The following RAB14 variants were observed in gnomAD, a reference collection of about 807,000 sequenced individuals.
RAB14 encodes RAB14, member RAS oncogene family.
Under a neutral mutation model 31.1 loss-of-function variants are expected in RAB14, and 3 were observed. The ratio of observed to expected loss-of-function variants is 0.10; its 90% CI spans 0.04 to 0.25. RAB14 has a LOEUF of 0.25. Ranked by LOEUF, RAB14 falls within the 10% of genes least tolerant of loss-of-function variation. The pLI, the probability that RAB14 is intolerant of heterozygous loss-of-function variation, is 1.00. For missense variants in RAB14, 111 were observed against 260.1 expected (o/e 0.43, Z 3.94); for synonymous variants, 85 against 84.9 (o/e 1.00, Z 0.00).
At chr9:121,195,211 T>C (rs896507724) in intron 1 of RAB14, among the ~76,000 whole-genome samples, 1 of 152,152 alleles carries the variant, frequency 6.6e-6, no homozygotes, top group African/African-American at 2.4e-5. Context: ...TAAAAATATT[T>C]AAAGATTATT....
At chr9:121,193,950 C>T (rs1019017401) in intron 1 of RAB14, among the ~76,000 whole-genome samples, 4 of 152,030 alleles carry the variant, frequency 2.6e-5, no homozygotes, top group African/African-American at 9.7e-5. Flanking sequence ...CAGTTAGCAG[C>T]GCAAAGAGCA....
chr9:121,190,810 TAAG>T, intron 3 of RAB14, 79 bp from the exon 4 acceptor site: 1 of 1,389,016 alleles, frequency 7.2e-7, no homozygotes. Context: ...ATCCACTAAA[TAAG>T]CAAATGGCTT....
chr9:121,187,680 G>A (rs1013649070), intron 4 of RAB14, among the ~76,000 whole-genome samples: 2 of 151,990 alleles, frequency 1.3e-5, no homozygotes, highest in African/African-American at 4.8e-5. Flanking sequence ...GCCCAAGCAA[G>A]AGTTTAAAAA....
rs552512894 is a variant in RAB14 at position 121,188,828 on chromosome 9, G to T, written c.284+1726C>A. Among the ~76,000 whole-genome samples the T allele has an allele frequency of 3.0e-4, 45 of 152,032 alleles. No homozygotes were observed. In the Middle Eastern group the frequency reaches 0.01, roughly 34 times the overall value. On this transcript the variant is annotated intron_variant, in intron 4 of 7. Coordinates refer to ENST00000373840, the MANE Select transcript of RAB14 (RefSeq NM_016322.4). ...TACAATATAATGAACATATCATAAA[G>T]CTTATTCTTTTAAAGTACGTAATTT...
At chr9:121,185,738 C>T (rs565954000) in intron 5 of RAB14, among the ~76,000 whole-genome samples, 1 of 152,216 alleles carries the variant, frequency 6.6e-6, no homozygotes, top group South Asian at 2.1e-4. Flanking sequence ...ATAAAGAATT[C>T]ATTCCTACGT....
chr9:121,182,882 T>C, intron 7 of RAB14, 48 bp downstream of exon 7: 1 of 1,542,130 alleles, frequency 6.5e-7, no homozygotes, highest in East Asian at 2.3e-5. Context: ...GGTTCTACTT[T>C]GAGAAACTTG....
intron 1 of RAB14, among the ~76,000 whole-genome samples, chr9:121,195,864 T>C (rs2053712457): frequency 6.6e-6 from 1 of 152,166 alleles, no homozygotes; most frequent in African/African-American, 2.4e-5. Flanking sequence ...TAGATTTAAA[T>C]ATATTCCCAT....
intron 6 of RAB14, 64 bp downstream of exon 6, chr9:121,183,247 T>A: frequency 1.5e-6 from 2 of 1,337,612 alleles, no homozygotes; most frequent in Non-Finnish European, 2.1e-6. Context: ...CCAACAAAAC[T>A]GTCAAGCCCA....
chr9:121,181,072 A>G lies in RAB14; in HGVS notation c.*324T>C, dbSNP rs763837352. ...CGTACAGTGAGACAAAGCCTTGCCA[A>G]AGGGAGGGTAAAAATCATGAAGTCC... On this transcript the variant is annotated 3_prime_UTR_variant, in exon 8 of 8. Transcript: ENST00000373840. The G allele has an allele frequency of 1.0e-4, 21 of 202,470 alleles. No homozygotes were observed. The highest frequency in any genetic ancestry group is 1.8e-4 in the Non-Finnish European group (18 of 101,148). 12.5% of individuals were successfully genotyped at this position (202,470 alleles called of 1,614,324 possible). A position where few individuals can be genotyped will look rare whatever the true frequency, so the allele number is the denominator to read the frequency against.
At chr9:121,190,850 C>A in intron 3 of RAB14, 119 bp from the exon 4 acceptor site, 1 of 909,244 alleles carries the variant, frequency 1.1e-6, no homozygotes, top group South Asian at 2.0e-5. Flanking sequence ...TATAAATAGA[C>A]TAAAGCTACC....
intron 5 of RAB14, among the ~76,000 whole-genome samples, chr9:121,184,340 G>A (rs989126081): frequency 6.6e-6 from 1 of 152,104 alleles, no homozygotes; most frequent in African/African-American, 2.4e-5. Flanking sequence ...AGTGAAGTTA[G>A]GCCAAAGTTA....
intron 1 of RAB14, among the ~76,000 whole-genome samples, chr9:121,199,109 C>T (rs1166279063): frequency 6.6e-6 from 1 of 152,066 alleles, no homozygotes. Flanking sequence ...AAAGAAAGCA[C>T]TTAACAACCA....
At position 121,188,444 on chromosome 9, in the gene RAB14, G is replaced by A. The variant is rs556818820; in HGVS notation, c.285-1425C>T. On this transcript the variant is annotated intron_variant, in intron 4 of 7. Transcript: ENST00000373840. ...TACATGTACTATAACTTCTGCCAAT[G>A]ATTCTGGTAATTGTTATTAATTTAA... is the stretch of plus-strand genomic sequence containing the variant. Among the ~76,000 whole-genome samples, 4 of 151,614 alleles carry A rather than the reference G, an allele frequency of 2.6e-5. No individual in the cohort carries two copies. In the South Asian group the frequency reaches 8.3e-4, roughly 32 times the overall value.
chr9:121,198,396 G>A (rs1434399164), intron 1 of RAB14, among the ~76,000 whole-genome samples: 1 of 152,110 alleles, frequency 6.6e-6, no homozygotes, highest in African/African-American at 2.4e-5. Context: ...ATATTTTTGG[G>A]AGTTTTTTAA....
chr9:121,191,922 A>G (rs747942631), intron 3 of RAB14, among the ~76,000 whole-genome samples: 10 of 152,174 alleles, frequency 6.6e-5, no homozygotes, highest in Non-Finnish European at 1.2e-4. Flanking sequence ...ACATTATTTT[A>G]TGTATTTTTA....
chr9:121,192,126 G>T, intron 3 of RAB14, 45 bp downstream of exon 3: 1 of 1,356,036 alleles, frequency 7.4e-7, no homozygotes, highest in Non-Finnish European at 1.0e-6. Context: ...TAGAAACATG[G>T]CGATAAAGAA....
rs902756438 is a variant in RAB14, at chr9:121,185,903, G to A, written c.351+1050C>T. On this transcript the variant is annotated intron_variant, in intron 5 of 7. Transcript: ENST00000373840. The stretch of plus-strand genomic sequence containing the variant: ...TCTATAGGTGTGTATGTAAACCTTG[G>A]GTTTAATGCGATAATGGAAATGAAA... Among the ~76,000 whole-genome samples, 3 of 151,960 alleles carry A rather than the reference G, an allele frequency of 2.0e-5. 1 individual carries two copies. The highest frequency in any genetic ancestry group is 1.9e-4 in the East Asian group (1 of 5,192).
chr9:121,178,694 A>T lies in RAB14; in HGVS notation c.*2702T>A, dbSNP rs1475084190. 1 of 152,372 alleles carries T rather than the reference A, an allele frequency of 6.6e-6. No individual in the cohort carries two copies. Among genetic ancestry groups the T allele is most frequent in the East Asian group, 1.9e-4 (1 of 5,200 alleles). 9.4% of individuals were successfully genotyped at this position (152,372 alleles called of 1,614,324 possible). ...TTAACGTGTAAACCACCAACCAAAA[A>T]AAAATAATAAGTTACTCCATCAAAC... is the stretch of plus-strand genomic sequence containing the variant. On this transcript the variant is annotated 3_prime_UTR_variant, in exon 8 of 8. Coordinates refer to ENST00000373840, the MANE Select transcript of RAB14 (RefSeq NM_016322.4).
intron 3 of RAB14, 106 bp from the exon 4 acceptor site, chr9:121,190,837 G>C: frequency 1.9e-6 from 2 of 1,066,838 alleles, no homozygotes; most frequent in Middle Eastern, 4.6e-4. Flanking sequence ...AATACTTACA[G>C]GCTATAAATA....
Sources: gnomAD v4.1 joint callset for allele counts (sites outside exome capture counted in the v4.1 genomes callset) on GRCh38, gnomAD v4.1.1 for gene constraint, MANE v1.5 for transcripts, NCBI Gene and HGNC (gene_info 2026-07-23, HGNC 2026-07-21) for gene names.